The following ABAT variants were observed in gnomAD, a reference collection of about 807,000 sequenced individuals.
ABAT encodes 4-aminobutyrate aminotransferase, mitochondrial.
ABAT carries 45 observed loss-of-function variants against 64.6 expected under a neutral mutation model. The ratio of observed to expected loss-of-function variants is 0.70; its 90% CI spans 0.55 to 0.89. The LOEUF (loss-of-function observed/expected upper bound fraction) is 0.89. ABAT is among the 40% of genes least tolerant of loss of function. The pLI is 0.00. For synonymous variants in ABAT, 297 were observed against 250.5 expected, an observed-to-expected ratio of 1.19 and a Z score of -1.75; for missense variants, 633 against 658.4, an observed-to-expected ratio of 0.96 and a Z score of 0.42.
chr16:8,703,512 A>G (rs1055468639), intron 1 of ABAT, among the ~76,000 whole-genome samples: 3 of 152,166 alleles, frequency 2.0e-5, no homozygotes, highest in Non-Finnish European at 4.4e-5. Flanking sequence ...AATTTCAAGC[A>G]AAAGTCTTAC....
chr16:8,735,732 A>C lies in ABAT; in HGVS notation c.-8A>C. 6.3e-7 allele frequency: 1 copy of C among 1,599,538 alleles called. No homozygotes were observed. The highest frequency in any genetic ancestry group is 8.5e-7 in the Non-Finnish European group (1 of 1,172,862). On this transcript the variant is annotated 5_prime_UTR_variant, in exon 2 of 16. Coordinates refer to ENST00000268251, the MANE Select transcript of ABAT (RefSeq NM_020686.6). ...CACGCAAAGGGTGTCCCTGTCCCTC[A>C]AGGGGTCATGGCCTCCATGTTGCTC...
At chr16:8,680,437 T>TG (rs2057305395) in intron 1 of ABAT, among the ~76,000 whole-genome samples, 1 of 152,104 alleles carries the variant, frequency 6.6e-6, no homozygotes, top group South Asian at 2.1e-4. Flanking sequence ...TGTATTTTTT[T>TG]GGGGGGCAGG....
intron 2 of ABAT, among the ~76,000 whole-genome samples, chr16:8,738,616 G>GTTTTTTTTTTTTTTTTTTTT (rs772511380): frequency 1.7e-5 from 2 of 117,576 alleles, no homozygotes; most frequent in African/African-American, 3.8e-5. Context: ...TTTTGTTTTT[G>GTTTTTTTTTTTTTTTTTTTT]TTTTTGTTTT....
At chr16:8,686,034 A>G (rs2057448188) in intron 1 of ABAT, among the ~76,000 whole-genome samples, 2 of 152,262 alleles carry the variant, frequency 1.3e-5, no homozygotes, top group Non-Finnish European at 2.9e-5. Flanking sequence ...CTTCCTGCAA[A>G]AGGTTTTAGA....
chr16:8,744,049 C>G (rs144505863), intron 2 of ABAT, among the ~76,000 whole-genome samples: 39 of 152,144 alleles, frequency 2.6e-4, no homozygotes, highest in African/African-American at 8.7e-4. Context: ...TGGGATTCAC[C>G]CGGGAAATCA....
At chr16:8,705,388 C>T (rs1252357212) in intron 1 of ABAT, 1 of 152,172 alleles carries the variant, frequency 6.6e-6, no homozygotes, top group African/African-American at 2.4e-5. Context: ...CACCAGATCC[C>T]TCCCTTGACA....
chr16:8,726,185 T>C (rs1014938572), intron 1 of ABAT, among the ~76,000 whole-genome samples: 1 of 152,208 alleles, frequency 6.6e-6, no homozygotes, highest in Non-Finnish European at 1.5e-5. Context: ...CACATGCCAC[T>C]TGTCTTTGTG....
intron 1 of ABAT, chr16:8,713,602 C>T: frequency 3.3e-6 from 1 of 304,438 alleles, no homozygotes; most frequent in Non-Finnish European, 6.7e-6. Context: ...CTCCCTTGCG[C>T]ACTTGCCGGG....
At chr16:8,755,441 G>A (rs1669865245) in intron 5 of ABAT, among the ~76,000 whole-genome samples, 1 of 152,232 alleles carries the variant, frequency 6.6e-6, no homozygotes, top group African/African-American at 2.4e-5. Context: ...TCATCAGGGT[G>A]AGAGCTGTGA....
intron 1 of ABAT, among the ~76,000 whole-genome samples, chr16:8,696,831 C>T (rs1241670087): frequency 6.6e-6 from 1 of 152,176 alleles, no homozygotes; most frequent in Admixed American, 6.6e-5. Context: ...AGGGCATCCA[C>T]TTCCCCTGTG....
chr16:8,733,401 A>G (rs1449468819), intron 1 of ABAT, among the ~76,000 whole-genome samples: 1 of 150,700 alleles, frequency 6.6e-6, no homozygotes, highest in Non-Finnish European at 1.5e-5. Flanking sequence ...GCGGCCAGGC[A>G]GAGACGCTCC....
chr16:8,743,319 TGTGTG>T (rs2059219852), intron 2 of ABAT, among the ~76,000 whole-genome samples: 1 of 1,064 alleles, frequency 9.4e-4, no homozygotes, highest in Non-Finnish European at 1.7e-3. Context: ...TGTGTGTCTC[TGTGTG>T]TGTGTGTGTG....
Position 8,768,210 on chromosome 16 carries a change from C to A in ABAT, c.621C>A (p.Asp207Glu). ...CMINQAPGCPDYSILSFMGAF... is the reference protein window; with the variant it reads ...CMINQAPGCPEYSILSFMGAF... ...GGTTTTAGGCCCCTGGCTGCCCCGA[C>A]TACAGCATCCTCTCCTTCATGGGCG... The change falls in exon 10 of 16, where the codon GAC (aspartate) becomes GAA (glutamate). Residue 207 changes from aspartate to glutamate, a missense_variant. Coordinates refer to ENST00000268251, the MANE Select transcript of ABAT (RefSeq NM_020686.6). 3 of 1,614,136 alleles carry A rather than the reference C, an allele frequency of 1.9e-6. No individual in the cohort carries two copies. The highest frequency in any genetic ancestry group is 8.5e-7 in the Non-Finnish European group (1 of 1,180,030).
chr16:8,754,213 G>T (rs1170938457), intron 5 of ABAT, among the ~76,000 whole-genome samples: 1 of 63,472 alleles, frequency 1.6e-5, no homozygotes. Context: ...AAATTAGCCG[G>T]GCATGGTGGT....
In ABAT at chr16:8,720,550, AAGTCGG is replaced by A. The variant is rs1469985897; in HGVS notation, c.-41-15146_-41-15141del. ...AAGTCAGAAGAGGCTGTTGCAGCTG[AAGTCGG>A]AGGAGAAAAGTGGATGTGAGATAAA... On this transcript the variant is annotated intron_variant, in intron 1 of 15. Coordinates refer to ENST00000268251, the MANE Select transcript of ABAT (RefSeq NM_020686.6). Among the ~76,000 whole-genome samples the A allele has an allele frequency of 2.6e-5, 4 of 152,316 alleles. No homozygotes were observed. The East Asian group carries it at 5.8e-4, about 22-fold the overall frequency.
chr16:8,751,541 G>A (rs1347575427), intron 5 of ABAT, among the ~76,000 whole-genome samples: 1 of 152,180 alleles, frequency 6.6e-6, no homozygotes, highest in Non-Finnish European at 1.5e-5. Flanking sequence ...GGGCTCTGGT[G>A]CATACACCAC....
At chr16:8,682,838 T>G (rs1200455314) in intron 1 of ABAT, among the ~76,000 whole-genome samples, 1 of 152,200 alleles carries the variant, frequency 6.6e-6, no homozygotes, top group East Asian at 1.9e-4. Context: ...TAGCTAGAAA[T>G]GCAGAATCTT....
chr16:8,722,821 G>GAT (rs567028692), intron 1 of ABAT: 238 of 1,289,022 alleles, frequency 1.8e-4, no homozygotes, highest in Non-Finnish European at 2.3e-4. Context: ...ATCAAAGAGG[G>GAT]ATATACTAAT....
At chr16:8,695,820 C>T (rs2057688928) in intron 1 of ABAT, among the ~76,000 whole-genome samples, 1 of 152,306 alleles carries the variant, frequency 6.6e-6, no homozygotes, top group South Asian at 2.1e-4. Context: ...TGGTTTGACT[C>T]CAGTACACCA....
Sources: gnomAD v4.1 joint callset for allele counts (sites outside exome capture counted in the v4.1 genomes callset) on GRCh38, gnomAD v4.1.1 for gene constraint, MANE v1.5 for transcripts, NCBI Gene and HGNC (gene_info 2026-07-23, HGNC 2026-07-21) for gene names.